Variants in TMEM168 observed in about 807,000 individuals in gnomAD.
The protein encoded by TMEM168 is transmembrane protein 168.
TMEM168 carries 40 observed loss-of-function variants against 53.2 expected under a neutral mutation model. That is an observed-to-expected ratio of 0.75 (90% CI 0.58 to 0.98). The LOEUF is 0.98. Among genes scored for constraint, TMEM168 ranks in the 50% least tolerant of loss-of-function variants. The pLI, the probability that TMEM168 is intolerant of heterozygous loss-of-function variation, is 0.00. For missense variants in TMEM168, 771 were observed against 828.8 expected, an observed-to-expected ratio of 0.93 and a Z score of 0.86; for synonymous variants, 282 against 293.0, an observed-to-expected ratio of 0.96 and a Z score of 0.38.
chr7:112,770,306 T>C (rs1408402702), intron 4 of TMEM168, among the ~76,000 whole-genome samples: 1 of 152,188 alleles, frequency 6.6e-6, no homozygotes, highest in South Asian at 2.1e-4. Context: ...ATGCAGTTGC[T>C]GAATTATAAG....
intron 2 of TMEM168, chr7:112,778,585 T>A (rs1237272393): frequency 1.3e-5 from 2 of 152,222 alleles, no homozygotes; most frequent in Non-Finnish European, 2.9e-5. Flanking sequence ...ATCTTCAGTA[T>A]GTTTTTACTA....
At chr7:112,770,835 C>G (rs1208968664) in intron 4 of TMEM168, among the ~76,000 whole-genome samples, 1 of 152,130 alleles carries the variant, frequency 6.6e-6, no homozygotes, top group African/African-American at 2.4e-5. Flanking sequence ...TAAAATTACT[C>G]TAACACTTTA....
chr7:112,776,515 TAA>T (rs977103579), intron 2 of TMEM168, among the ~76,000 whole-genome samples: 1 of 151,968 alleles, frequency 6.6e-6, no homozygotes, highest in Admixed American at 6.5e-5. Flanking sequence ...CAAAATTTAA[TAA>T]AAAAATTAAT....
At chr7:112,787,522 C>A (rs1001381173) in intron 1 of TMEM168, among the ~76,000 whole-genome samples, 1 of 152,060 alleles carries the variant, frequency 6.6e-6, no homozygotes, top group Non-Finnish European at 1.5e-5. Flanking sequence ...TCAAGTGATT[C>A]TCCTGCCTCA....
At position 112,764,405 on chromosome 7, in the gene TMEM168, C is replaced by T. The variant is rs532037647; in HGVS notation, c.*2792G>A. 2 of 152,142 alleles carry T rather than the reference C, an allele frequency of 1.3e-5. No individual in the cohort carries two copies. The highest frequency in any genetic ancestry group is 2.4e-5 in the African/African-American group (1 of 41,534). 9.4% of individuals were successfully genotyped at this position (152,142 alleles called of 1,614,324 possible). A position where few individuals can be genotyped will look rare whatever the true frequency, so the allele number is the denominator to read the frequency against. ...ATGACAGCCATAGACAAATTAGTCT[C>T]ATTGTCAGATCTATTTTTCAATCTT... On this transcript the variant is annotated 3_prime_UTR_variant, in exon 5 of 5. Coordinates refer to ENST00000312814, the MANE Select transcript of TMEM168 (RefSeq NM_022484.6).
intron 4 of TMEM168, among the ~76,000 whole-genome samples, chr7:112,772,057 T>G (rs73205159): frequency 6.6e-6 from 1 of 152,078 alleles, no homozygotes; most frequent in Admixed American, 6.6e-5. Flanking sequence ...CTATTAATAG[T>G]TGGAAAGACT....
At chr7:112,774,255 T>A (rs535608548) in intron 3 of TMEM168, among the ~76,000 whole-genome samples, 58 of 152,254 alleles carry the variant, frequency 3.8e-4, no homozygotes, top group African/African-American at 1.3e-3. Context: ...TGGGTAAAAG[T>A]TATTTTGGAA....
At chr7:112,776,829 C>T (rs543566407) in intron 2 of TMEM168, among the ~76,000 whole-genome samples, 2 of 151,810 alleles carry the variant, frequency 1.3e-5, no homozygotes, top group South Asian at 2.1e-4. Flanking sequence ...CTCTAAATCA[C>T]TTGTAAAGAC....
At chr7:112,782,407 G>A (rs1793255351) in intron 2 of TMEM168, among the ~76,000 whole-genome samples, 1 of 152,138 alleles carries the variant, frequency 6.6e-6, no homozygotes. Flanking sequence ...ATGGCATCCA[G>A]CATGAATGAG....
At chr7:112,769,562 C>T (rs1434485528) in intron 4 of TMEM168, among the ~76,000 whole-genome samples, 1 of 151,464 alleles carries the variant, frequency 6.6e-6, no homozygotes, top group African/African-American at 2.4e-5. Flanking sequence ...ATCAACGAGA[C>T]CTAAAGCAGC....
At chr7:112,768,003 G>A (rs1198370910) in intron 4 of TMEM168, among the ~76,000 whole-genome samples, 2 of 152,130 alleles carry the variant, frequency 1.3e-5, no homozygotes, top group African/African-American at 4.8e-5. Flanking sequence ...GAATCTGCTA[G>A]TATAAAATTA....
At chr7:112,778,712 T>C (rs1793154600) in intron 2 of TMEM168, 1 of 152,192 alleles carries the variant, frequency 6.6e-6, no homozygotes, top group Non-Finnish European at 1.5e-5. Context: ...AAAATTCCAA[T>C]TAAAATGTTA....
In TMEM168 at chr7:112,784,155, A is replaced by G. The variant is rs762417062; in HGVS notation, c.671T>C (p.Ile224Thr). 1 of 1,614,124 alleles carries G rather than the reference A, an allele frequency of 6.2e-7. No homozygotes were observed. Among genetic ancestry groups the G allele is most frequent in the Non-Finnish European group, 8.5e-7 (1 of 1,180,018 alleles). Residue 224 changes from isoleucine to threonine, a missense_variant, in exon 2 of 5, where the codon ATT becomes ACT. Physicochemically the swap from Ile to Thr is moderately conservative, Grantham distance 89. Coordinates refer to ENST00000312814, the MANE Select transcript of TMEM168 (RefSeq NM_022484.6). Reference sequence around the variant, plus strand: ...GCAAATAAAAAAACACGCAAAAGCAATCGGATTTTTGGGAGTTTCCAATGA... The same window carrying G: ...GCAAATAAAAAAACACGCAAAAGCAGTCGGATTTTTGGGAGTTTCCAATGA... ...FSSLETPKNP[I>T]AFACFFICLI...
rs1478189545 is a variant in TMEM168 at position 112,784,384 on chromosome 7, G to C, written c.442C>G (p.Arg148Gly). 1 of 1,614,086 alleles carries C rather than the reference G, an allele frequency of 6.2e-7. No homozygotes were observed. Among genetic ancestry groups the C allele is most frequent in the East Asian group, 2.2e-5 (1 of 44,866 alleles). ...GTGGTTAGTAAAGTGGGCCGATGAC[G>C]GACATAACCAGAAATTCTCTCCACC... The part of the protein sequence containing the change: ...SLVERISGYV[R>G]HRPTLLTTVE... The change falls in exon 2 of 5, where the codon CGT becomes GGT. Residue 148 changes from arginine to glycine, a missense_variant. Transcript: ENST00000312814.
chr7:112,767,962 T>TA (rs1202916439), intron 4 of TMEM168, among the ~76,000 whole-genome samples: 10 of 152,022 alleles, frequency 6.6e-5, no homozygotes, highest in East Asian at 1.9e-4. Flanking sequence ...CAACTTGAGG[T>TA]AAAAAAAATC....
At chr7:112,770,051 C>CA (rs1170080425) in intron 4 of TMEM168, among the ~76,000 whole-genome samples, 5 of 152,154 alleles carry the variant, frequency 3.3e-5, no homozygotes, top group Non-Finnish European at 7.4e-5. Flanking sequence ...AAAAACAAAA[C>CA]AAAAAATCCC....
chr7:112,775,285 T>A lies in TMEM168; in HGVS notation c.1162A>T (p.Ile388Phe). The A allele has an allele frequency of 6.2e-7, 1 of 1,613,480 alleles. No individual in the cohort carries two copies. The highest frequency in any genetic ancestry group is 1.7e-4 in the Middle Eastern group (1 of 6,054). ...TNGIFLSMFL[I>F]VLPLESMAHG... is the part of the protein sequence containing the mutation. ...GCCATGGATTCCAATGGCAAAACGA[T>A]TAGAAACATGCTCAAGAAAATTCCA... The change falls in exon 3 of 5, where the codon ATC becomes TTC. Residue 388 changes from isoleucine to phenylalanine, a missense_variant. Physicochemically the swap from Ile to Phe is conservative, Grantham distance 21. Coordinates refer to ENST00000312814, the MANE Select transcript of TMEM168 (RefSeq NM_022484.6).
chr7:112,784,641 G>C lies in TMEM168; in HGVS notation c.185C>G (p.Ser62Cys), dbSNP rs778411541. 5 of 1,612,068 alleles carry C rather than the reference G, an allele frequency of 3.1e-6. No individual in the cohort carries two copies. The highest frequency in any genetic ancestry group is 4.2e-6 in the Non-Finnish European group (5 of 1,179,508). ...LYVRWEKTAN[S>C]LILVIFILGL... ...AAGAATAAAAATTACCAAAATTAAG[G>C]AATTTGCTGTTTTTTCCCATCTTAC... The change falls in exon 2 of 5, where the codon TCC (serine) becomes TGC (cysteine). Residue 62 changes from serine to cysteine, a missense_variant. Coordinates refer to ENST00000312814, the MANE Select transcript of TMEM168 (RefSeq NM_022484.6).
chr7:112,769,528 C>G (rs1202814285), intron 4 of TMEM168, among the ~76,000 whole-genome samples: 1 of 142,322 alleles, frequency 7.0e-6, no homozygotes, highest in East Asian at 1.9e-4. Context: ...TACCCTAATT[C>G]TCTTATATAA....
Sources: gnomAD v4.1 joint callset for allele counts (sites outside exome capture counted in the v4.1 genomes callset) on GRCh38, gnomAD v4.1.1 for gene constraint, MANE v1.5 for transcripts, NCBI Gene and HGNC (gene_info 2026-07-23, HGNC 2026-07-21) for gene names.